The following PDE3A variants were observed in gnomAD, a reference collection of about 807,000 sequenced individuals.
PDE3A encodes the protein cGMP-inhibited 3',5'-cyclic phosphodiesterase 3A.
PDE3A carries 43 observed loss-of-function variants against 98.3 expected under a neutral mutation model. The observed-to-expected ratio is 0.44, with a 90% CI of 0.34 to 0.56. PDE3A has a LOEUF of 0.56. Ranked by LOEUF, PDE3A falls within the 20% of genes least tolerant of loss-of-function variation. PDE3A has a pLI of 0.01. For missense variants in PDE3A, 1,427 were observed against 1,440.7 expected (o/e 0.99, Z 0.15); for synonymous variants, 663 against 567.9 (o/e 1.17, Z -2.38).
intron 1 of PDE3A, among the ~76,000 whole-genome samples, chr12:20,490,419 T>C (rs1054358736): frequency 9.9e-5 from 15 of 152,198 alleles, no homozygotes; most frequent in Non-Finnish European, 2.1e-4. Flanking sequence ...CTCAAGGCCA[T>C]TTCTGGAGGA....
intron 1 of PDE3A, among the ~76,000 whole-genome samples, chr12:20,493,280 C>A (rs1477675056): frequency 6.6e-6 from 1 of 152,120 alleles, no homozygotes; most frequent in African/African-American, 2.4e-5. Context: ...TATGGACAGT[C>A]AGCCCTCTGT....
intron 1 of PDE3A, among the ~76,000 whole-genome samples, chr12:20,433,078 A>G (rs565983958): frequency 1.3e-5 from 2 of 152,232 alleles, no homozygotes; most frequent in Admixed American, 1.3e-4. Flanking sequence ...CAACTATAAC[A>G]ATGAATAGAT....
intron 2 of PDE3A, among the ~76,000 whole-genome samples, chr12:20,576,975 A>G (rs1942948053): frequency 6.6e-6 from 1 of 152,072 alleles, no homozygotes; most frequent in African/African-American, 2.4e-5. Context: ...AATACAATGA[A>G]GAGATTGAGG....
intron 1 of PDE3A, among the ~76,000 whole-genome samples, chr12:20,470,147 A>G (rs1365828870): frequency 6.6e-6 from 1 of 151,954 alleles, no homozygotes; most frequent in African/African-American, 2.4e-5. Flanking sequence ...AACACTAATC[A>G]TTCAGTATCC....
At chr12:20,645,840 G>T (rs897888603) in intron 10 of PDE3A, among the ~76,000 whole-genome samples, 3 of 151,964 alleles carry the variant, frequency 2.0e-5, no homozygotes, top group Admixed American at 6.6e-5. Context: ...CTTCTAAATG[G>T]CTTAGCTTCC....
chr12:20,401,393 T>C (rs375121920), intron 1 of PDE3A, among the ~76,000 whole-genome samples: 2 of 152,298 alleles, frequency 1.3e-5, no homozygotes, highest in South Asian at 4.2e-4. Flanking sequence ...AATAAATACC[T>C]CCTTGTTTGG....
At position 20,667,032 on chromosome 12, in the gene PDE3A, T is replaced by C. The variant is rs113021201; in HGVS notation, c.3184+12827T>C. ...TGCATATTCCTGGTGATTAGTGATATTGAGCATTTTTTCATATACCTGTTG... is the reference window on the plus strand; with the variant it reads ...TGCATATTCCTGGTGATTAGTGATACTGAGCATTTTTTCATATACCTGTTG... On this transcript the variant is annotated intron_variant, in intron 15 of 15. Coordinates refer to ENST00000359062, the MANE Select transcript of PDE3A (RefSeq NM_000921.5). Among the ~76,000 whole-genome samples, 15 of 152,310 alleles carry C rather than the reference T, an allele frequency of 9.8e-5. 1 individual carries two copies. Among genetic ancestry groups the C allele is most frequent in the African/African-American group, 2.2e-4 (9 of 41,580 alleles).
chr12:20,415,616 TA>T (rs1944409837), intron 1 of PDE3A, among the ~76,000 whole-genome samples: 1 of 152,078 alleles, frequency 6.6e-6, no homozygotes, highest in African/African-American at 2.4e-5. Flanking sequence ...TTTTGTATTT[TA>T]GTAGAGACGG....
Position 20,369,277 on chromosome 12 carries a change from C to T in PDE3A, c.-8C>T. On this transcript the variant is annotated 5_prime_UTR_variant, in exon 1 of 16. Transcript: ENST00000359062. ...ACTGGGAATTCAGTGAAGAGGGCAC[C>T]CTATACCATGGCAGTGCCCGGCGAC... is the stretch of plus-strand genomic sequence containing the variant. The T allele has an allele frequency of 6.6e-7, 1 of 1,506,436 alleles. No homozygotes were observed. The highest frequency in any genetic ancestry group is 8.9e-7 in the Non-Finnish European group (1 of 1,123,008). The allele number at this position is 1,506,436 out of a possible 1,614,324, so 93.3% of individuals were successfully genotyped here.
chr12:20,638,195 C>T (rs192514164), intron 9 of PDE3A, among the ~76,000 whole-genome samples: 13 of 152,242 alleles, frequency 8.5e-5, no homozygotes, highest in Admixed American at 8.5e-4. Flanking sequence ...CTTTGGACCA[C>T]TCAACACATG....
intron 2 of PDE3A, among the ~76,000 whole-genome samples, chr12:20,575,169 G>C (rs1942900602): frequency 6.6e-6 from 1 of 151,930 alleles, no homozygotes; most frequent in African/African-American, 2.4e-5. Context: ...TAGTAATTTT[G>C]ATGTCCTGTA....
At chr12:20,635,097 T>C in intron 8 of PDE3A, 41 bp downstream of exon 8, 1 of 1,541,800 alleles carries the variant, frequency 6.5e-7, no homozygotes, top group Non-Finnish European at 8.9e-7. Context: ...ACTTGAGAGA[T>C]GAGCTTCTGT....
chr12:20,451,285 T>A (rs1945059599), intron 1 of PDE3A, among the ~76,000 whole-genome samples: 1 of 152,170 alleles, frequency 6.6e-6, no homozygotes, highest in Non-Finnish European at 1.5e-5. Flanking sequence ...TTATTTTTAT[T>A]TTTTTCGAGG....
intron 1 of PDE3A, among the ~76,000 whole-genome samples, chr12:20,454,608 C>T (rs1022687670): frequency 4.6e-5 from 7 of 152,014 alleles, no homozygotes; most frequent in Non-Finnish European, 8.8e-5. Flanking sequence ...TTATTTTTCC[C>T]GATCCTCTCC....
intron 2 of PDE3A, among the ~76,000 whole-genome samples, chr12:20,604,336 C>T (rs1269557312): frequency 6.6e-6 from 1 of 151,914 alleles, no homozygotes; most frequent in Admixed American, 6.6e-5. Flanking sequence ...CCTTAAAGAC[C>T]CCATGTATTA....
chr12:20,613,923 T>G (rs945139310), intron 3 of PDE3A, among the ~76,000 whole-genome samples: 2 of 152,194 alleles, frequency 1.3e-5, no homozygotes, highest in Non-Finnish European at 2.9e-5. Context: ...TTATGTTACC[T>G]CTTTTATTTA....
chr12:20,449,514 G>C (rs1326799260), intron 1 of PDE3A: 1 of 211,194 alleles, frequency 4.7e-6, no homozygotes, highest in Non-Finnish European at 9.8e-6. Flanking sequence ...GTAGAAAGTT[G>C]GTAACTGCCA....
chr12:20,511,447 T>C (rs199765875), intron 1 of PDE3A, among the ~76,000 whole-genome samples: 94 of 104,140 alleles, frequency 9.0e-4, no homozygotes, highest in East Asian at 1.7e-3. Flanking sequence ...CACACACACA[T>C]ACACACACAC....
At chr12:20,495,977 T>C (rs923193805) in intron 1 of PDE3A, among the ~76,000 whole-genome samples, 1 of 152,212 alleles carries the variant, frequency 6.6e-6, no homozygotes, top group Non-Finnish European at 1.5e-5. Context: ...AAATAAATCA[T>C]TTAATTTTTA....
Sources: allele counts gnomAD v4.1 joint callset (sites outside exome capture counted in the v4.1 genomes callset), GRCh38; gene constraint gnomAD v4.1.1; transcripts MANE v1.5; gene names NCBI Gene and HGNC (gene_info 2026-07-23, HGNC 2026-07-21).